The following PCBP3 variants were observed in gnomAD, a reference collection of about 807,000 sequenced individuals.
PCBP3 encodes poly(rC) binding protein 3.
Under a neutral mutation model 52.7 loss-of-function variants are expected in PCBP3, and 25 were observed. That is an observed-to-expected ratio of 0.47 (90% CI 0.35 to 0.66). PCBP3 has a LOEUF of 0.66. Ranked by LOEUF, PCBP3 falls within the 30% of genes least tolerant of loss-of-function variation. The pLI, the probability that PCBP3 is intolerant of heterozygous loss-of-function variation, is 0.01. For missense variants in PCBP3, 391 were observed against 490.3 expected, an observed-to-expected ratio of 0.80 and a Z score of 1.91; for synonymous variants, 162 against 183.0, an observed-to-expected ratio of 0.89 and a Z score of 0.93.
Position 45,800,341 on chromosome 21 carries a change from CCT to C in PCBP3, c.-126+44890_-126+44891del, listed in dbSNP as rs2092246397. Among the ~76,000 whole-genome samples the C allele has an allele frequency of 6.6e-6, 1 of 152,172 alleles. No homozygotes were observed. Among genetic ancestry groups the C allele is most frequent in the South Asian group, 2.1e-4 (1 of 4,830 alleles). On this transcript the variant is annotated intron_variant, in intron 4 of 17. Coordinates refer to ENST00000681687, the MANE Select transcript of PCBP3 (RefSeq NM_001384156.1). This position sits in a 1 kb window ranked among gnomAD's most constrained non-coding sequence, Gnocchi z 5.3. ...AGGATGTGGGAGCAAGCCTGTGCGC[CCT>C]GAGCCAGGCCTTCTGTGAAGTGCAG... is the stretch of plus-strand genomic sequence containing the variant.
At chr21:45,692,031 C>T (rs546604820) in intron 2 of PCBP3, among the ~76,000 whole-genome samples, 5 of 152,238 alleles carry the variant, frequency 3.3e-5, no homozygotes, top group Admixed American at 1.3e-4. Flanking sequence ...GTCCGTCTTC[C>T]CCTCAAGTCA....
intron 4 of PCBP3, among the ~76,000 whole-genome samples, chr21:45,766,452 A>T (rs1185632637): frequency 1.3e-5 from 2 of 152,214 alleles, no homozygotes; most frequent in Non-Finnish European, 2.9e-5. Context: ...CTCTGCACCC[A>T]TGTGAGGACA....
chr21:45,648,206 A>C (rs1311014433), intron 1 of PCBP3, among the ~76,000 whole-genome samples: 9 of 152,256 alleles, frequency 5.9e-5, no homozygotes, highest in Non-Finnish European at 1.5e-5. Context: ...TAAAACACTA[A>C]GTGTCTGGAA....
chr21:45,939,186 T>C (rs1249121284), intron 16 of PCBP3, among the ~76,000 whole-genome samples: 1 of 152,250 alleles, frequency 6.6e-6, no homozygotes, highest in African/African-American at 2.4e-5. Flanking sequence ...GCCACAGGTC[T>C]GGCCACGTCT....
intron 1 of PCBP3, among the ~76,000 whole-genome samples, chr21:45,650,892 T>C (rs2146823625): frequency 6.6e-6 from 1 of 152,288 alleles, no homozygotes; most frequent in East Asian, 1.9e-4. Flanking sequence ...GAAGGAGTCA[T>C]TCTGGCCATA....
At chr21:45,742,570 T>G (rs569990966) in intron 3 of PCBP3, among the ~76,000 whole-genome samples, 3 of 152,366 alleles carry the variant, frequency 2.0e-5, no homozygotes, top group East Asian at 3.9e-4. Context: ...TCCGTTGTGA[T>G]GTCGTCTCTT....
intron 3 of PCBP3, chr21:45,750,875 A>AGTATGT (rs201392487): frequency 8.7e-6 from 1 of 115,452 alleles, no homozygotes; most frequent in Non-Finnish European, 2.0e-5. Flanking sequence ...CATACATGTA[A>AGTATGT]GTGTGTGTGT....
chr21:45,662,923 G>A (rs926044687), intron 1 of PCBP3, among the ~76,000 whole-genome samples: 1 of 152,030 alleles, frequency 6.6e-6, no homozygotes, highest in African/African-American at 2.4e-5. Context: ...TTTCCCTGGG[G>A]GAGTTTAGAA....
intron 2 of PCBP3, among the ~76,000 whole-genome samples, chr21:45,689,050 G>A (rs2082315805): frequency 6.6e-6 from 1 of 151,600 alleles, no homozygotes; most frequent in Non-Finnish European, 1.5e-5. Context: ...TTCAGAAAAT[G>A]GATGAGGGAA....
intron 4 of PCBP3, among the ~76,000 whole-genome samples, chr21:45,844,790 T>G (rs1477868679): frequency 1.3e-5 from 2 of 151,526 alleles, no homozygotes; most frequent in Non-Finnish European, 2.9e-5. Context: ...AGAAGAAGAC[T>G]GGGTCTGAGT....
intron 1 of PCBP3, among the ~76,000 whole-genome samples, chr21:45,644,234 T>C (rs2057390463): frequency 6.6e-6 from 1 of 151,446 alleles, no homozygotes. Flanking sequence ...TTTCATCTCT[T>C]GATTGAGAAG....
intron 11 of PCBP3, among the ~76,000 whole-genome samples, chr21:45,912,542 C>T (rs1392213703): frequency 6.6e-6 from 1 of 152,126 alleles, no homozygotes; most frequent in Non-Finnish European, 1.5e-5. Flanking sequence ...CTGGGTGGGG[C>T]CTGCTGAGAA....
intron 5 of PCBP3, among the ~76,000 whole-genome samples, chr21:45,862,628 C>G (rs1035777438): frequency 6.6e-6 from 1 of 152,196 alleles, no homozygotes; most frequent in Non-Finnish European, 1.5e-5. Flanking sequence ...AATAAGCAAT[C>G]GACTGACTTT....
At chr21:45,712,542 C>G (rs1342957594) in intron 2 of PCBP3, among the ~76,000 whole-genome samples, 1 of 152,174 alleles carries the variant, frequency 6.6e-6, no homozygotes, top group African/African-American at 2.4e-5. Context: ...TTCTGTACCT[C>G]TTTCAAGTAA....
Position 45,736,813 on chromosome 21 carries a change from T to TG in PCBP3, c.-162+1390dup. On this transcript the variant is annotated intron_variant, in intron 3 of 17. Transcript: ENST00000681687. This position sits in a 1 kb window ranked among gnomAD's most constrained non-coding sequence, Gnocchi z 4.6. Reference sequence around the variant, plus strand: ...CACTGCCAGAATCCTGACATCCTTGTGGGGGGATCGAAAACATAAATCTAG... The same window carrying TG: ...CACTGCCAGAATCCTGACATCCTTGTGGGGGGGATCGAAAACATAAATCTAG... 6.6e-6 allele frequency among the ~76,000 whole-genome samples: 1 copy of TG among 152,112 alleles called. No individual in the cohort carries two copies. Among genetic ancestry groups the TG allele is most frequent in the Non-Finnish European group, 1.5e-5 (1 of 68,000 alleles).
intron 4 of PCBP3, among the ~76,000 whole-genome samples, chr21:45,845,558 G>A (rs1057474709): frequency 6.6e-6 from 1 of 151,518 alleles, no homozygotes; most frequent in Non-Finnish European, 1.5e-5. Flanking sequence ...TGTGTGAGCT[G>A]CTTAAGCACC....
intron 4 of PCBP3, among the ~76,000 whole-genome samples, chr21:45,765,699 G>T (rs2838993): frequency 0.18 from 27,828 of 152,136 alleles, 2,679 homozygotes; most frequent in Middle Eastern, 0.33. Context: ...TCCCTAGGAG[G>T]CCCCTCATGT....
rs1292483216 is a variant in PCBP3 at position 45,880,252 on chromosome 21, G to GA, written c.11-15953dup. On this transcript the variant is annotated intron_variant, in intron 5 of 17. Coordinates refer to ENST00000681687, the MANE Select transcript of PCBP3 (RefSeq NM_001384156.1). This position sits in a 1 kb window ranked among gnomAD's most constrained non-coding sequence, Gnocchi z 5.4. Reference sequence around the variant, plus strand: ...GCCTGGTTCCCCAGTTGCCCTCCTGGAAAGCTCTACCCTGCTGGCCCTGGG... The same window carrying GA: ...GCCTGGTTCCCCAGTTGCCCTCCTGGAAAAGCTCTACCCTGCTGGCCCTGGG... Among the ~76,000 whole-genome samples, 2 of 152,202 alleles carry GA rather than the reference G, an allele frequency of 1.3e-5. No homozygotes were observed. The highest frequency in any genetic ancestry group is 4.8e-5 in the African/African-American group (2 of 41,466).
chr21:45,866,743 C>T (rs546078305), intron 5 of PCBP3, among the ~76,000 whole-genome samples: 1 of 152,278 alleles, frequency 6.6e-6, no homozygotes, highest in Non-Finnish European at 1.5e-5. Flanking sequence ...CAGCTCCTCA[C>T]ACCCTCTCCC....
Sources: gnomAD v4.1 joint callset for allele counts (sites outside exome capture counted in the v4.1 genomes callset) on GRCh38, gnomAD v4.1.1 for gene constraint, Gnocchi (gnomAD v3.1) non-coding constraint, MANE v1.5 for transcripts, NCBI Gene and HGNC (gene_info 2026-07-23, HGNC 2026-07-21) for gene names.